The following PPP1R16A variants were observed in gnomAD, a reference collection of about 807,000 sequenced individuals.
PPP1R16A encodes protein phosphatase 1 regulatory subunit 16A.
PPP1R16A carries 39 observed loss-of-function variants against 46.6 expected under a neutral mutation model. The ratio of observed to expected loss-of-function variants is 0.84; its 90% CI spans 0.65 to 1.09. The LOEUF is 1.09. Ranked by LOEUF, PPP1R16A falls within the 50% of genes least tolerant of loss-of-function variation. PPP1R16A has a pLI of 0.00. For missense variants in PPP1R16A, 798 were observed against 735.6 expected (o/e 1.08, Z -0.98); for synonymous variants, 413 against 321.5 (o/e 1.28, Z -3.04).
rs765331413 is a variant in PPP1R16A, at chr8:144,501,021, TCAGCCCCGGGCGGAGTG to T, written c.1037+52_1037+68del. On this transcript the variant is annotated intron_variant, in intron 10 of 11. Coordinates refer to ENST00000435887, the MANE Select transcript of PPP1R16A (RefSeq NM_001329443.2). The stretch of plus-strand genomic sequence containing the variant: ...CGCCCCGGGCTTGGCCCCGCGGACG[TCAGCCCCGGGCGGAGTG>T]CCAGCCGAACTGGGGGCAGAGTCCG... 4.7e-6 allele frequency: 7 copies of T among 1,483,812 alleles called. No individual in the cohort carries two copies. In the East Asian group the frequency reaches 1.8e-4, roughly 39 times the overall value. 91.9% of individuals were successfully genotyped at this position (1,483,812 alleles called of 1,614,324 possible).
intron 1 of PPP1R16A, among the ~76,000 whole-genome samples, chr8:144,482,941 C>T (rs1442037538): frequency 3.3e-5 from 5 of 152,124 alleles, no homozygotes; most frequent in East Asian, 1.9e-4. Context: ...CCACCGCGCC[C>T]GGCTTATTTT....
intron 1 of PPP1R16A, among the ~76,000 whole-genome samples, chr8:144,481,026 C>T (rs890875214): frequency 1.3e-5 from 2 of 151,764 alleles, no homozygotes; most frequent in Non-Finnish European, 2.9e-5. Context: ...GTAGCTGGGA[C>T]TACAGGCGCC....
chr8:144,501,184 C>T lies in PPP1R16A; in HGVS notation c.1093C>T (p.His365Tyr). The change falls in exon 11 of 12, where the codon CAC (histidine) becomes TAC (tyrosine). Residue 365 changes from histidine to tyrosine, a missense_variant. Transcript: ENST00000435887. ...TQRTDLYRKQ[H>Y]AQEAIVWQQP... ...GCGCACCGACCTGTACCGCAAGCAG[C>T]ACGCCCAGGAGGCCATCGTGTGGCA... 1 of 1,610,394 alleles carries T rather than the reference C, an allele frequency of 6.2e-7. No homozygotes were observed.
chr8:144,485,928 G>A (rs552739230), intron 1 of PPP1R16A, among the ~76,000 whole-genome samples: 1 of 152,332 alleles, frequency 6.6e-6, no homozygotes, highest in Admixed American at 6.5e-5. Flanking sequence ...CATAAATGGA[G>A]TGCTGCAGGG....
intron 3 of PPP1R16A, chr8:144,498,469 G>T (rs958063663): frequency 4.6e-6 from 2 of 434,556 alleles, no homozygotes; most frequent in Non-Finnish European, 8.4e-6. Flanking sequence ...GGGCTGGAGG[G>T]AGGTGTGGGA....
rs757841621 is a variant in PPP1R16A, at chr8:144,479,496, T to C, written c.-914+1369T>C. On this transcript the variant is annotated intron_variant, in intron 1 of 11. Coordinates refer to ENST00000435887, the MANE Select transcript of PPP1R16A (RefSeq NM_001329443.2). ...CATCCCTCACCTGCTTGGGATGCAC[T>C]TGGACTCTGCTTTGCCCCGAGGGTT... 5.4e-4 allele frequency among the ~76,000 whole-genome samples: 82 copies of C among 152,160 alleles called. 1 individual carries two copies. Among genetic ancestry groups the C allele is most frequent in the Non-Finnish European group, 1.0e-3 (69 of 68,010 alleles).
chr8:144,480,498 T>C (rs1825366939), intron 1 of PPP1R16A, among the ~76,000 whole-genome samples: 1 of 151,930 alleles, frequency 6.6e-6, no homozygotes, highest in South Asian at 2.1e-4. Context: ...ATCTTTTTTT[T>C]TTTTTTTGAG....
intron 5 of PPP1R16A, chr8:144,499,304 G>A (rs966723404): frequency 2.3e-5 from 13 of 559,302 alleles, no homozygotes; most frequent in Middle Eastern, 4.7e-4. Flanking sequence ...GGCAGGCCTC[G>A]GGCCCCCCCC....
intron 1 of PPP1R16A, among the ~76,000 whole-genome samples, chr8:144,485,966 C>T (rs1825613184): frequency 6.6e-6 from 1 of 152,152 alleles, no homozygotes; most frequent in Non-Finnish European, 1.5e-5. Flanking sequence ...GCGTGATGTC[C>T]TGAGGTCCAT....
intron 9 of PPP1R16A, 21 bp downstream of exon 9, chr8:144,500,782 T>C (rs765214755): frequency 6.2e-7 from 1 of 1,609,070 alleles, no homozygotes; most frequent in Non-Finnish European, 8.5e-7. Context: ...GGGGCCCACC[T>C]CCACCTGGGG....
At chr8:144,483,912 T>C (rs1564758825) in intron 1 of PPP1R16A, among the ~76,000 whole-genome samples, 1 of 152,370 alleles carries the variant, frequency 6.6e-6, no homozygotes. Context: ...CTCATCTCTC[T>C]GCTCTGACAG....
chr8:144,481,240 G>A (rs563984521), intron 1 of PPP1R16A, among the ~76,000 whole-genome samples: 4 of 152,120 alleles, frequency 2.6e-5, no homozygotes, highest in East Asian at 1.9e-4. Flanking sequence ...AAACATTTCC[G>A]TTGCCCCCAA....
At chr8:144,479,943 G>T (rs1157386281) in intron 1 of PPP1R16A, among the ~76,000 whole-genome samples, 1 of 152,240 alleles carries the variant, frequency 6.6e-6, no homozygotes, top group Non-Finnish European at 1.5e-5. Flanking sequence ...CTGTTCACTT[G>T]TTCAGCTCAC....
chr8:144,480,196 G>A (rs1477398604), intron 1 of PPP1R16A, among the ~76,000 whole-genome samples: 1 of 152,250 alleles, frequency 6.6e-6, no homozygotes, highest in Non-Finnish European at 1.5e-5. Context: ...AGCTGATGAA[G>A]GTGGCGGTGA....
In PPP1R16A at chr8:144,496,622, CT is replaced by C; in HGVS notation, c.-572del. 6.2e-6 allele frequency: 1 copy of C among 162,048 alleles called. No homozygotes were observed. Among genetic ancestry groups the C allele is most frequent in the Admixed American group, 5.6e-5 (1 of 17,768 alleles). The allele number at this position is 162,048 out of a possible 1,614,324, so 10.0% of individuals were successfully genotyped here. A position where few individuals can be genotyped will look rare whatever the true frequency, so the allele number is the denominator to read the frequency against. On this transcript the variant is annotated 5_prime_UTR_variant, in exon 3 of 12. Coordinates refer to ENST00000435887, the MANE Select transcript of PPP1R16A (RefSeq NM_001329443.2). ...CCTCCCCCAGCCTCAGCGGCTGCAC[CT>C]CCTCGTTAGTACTGATGCACTGACC...
At chr8:144,487,686 C>T (rs1825669053) in intron 1 of PPP1R16A, among the ~76,000 whole-genome samples, 3 of 152,184 alleles carry the variant, frequency 2.0e-5, no homozygotes, top group South Asian at 2.1e-4. Flanking sequence ...TGGACTCAAC[C>T]GTATTCCATT....
intron 1 of PPP1R16A, among the ~76,000 whole-genome samples, chr8:144,488,863 C>G (rs560967033): frequency 5.3e-5 from 8 of 151,752 alleles, no homozygotes; most frequent in Admixed American, 3.3e-4. Flanking sequence ...GGGGACAGAG[C>G]CCCAGGGGAG....
At chr8:144,487,549 T>G (rs779356705) in intron 1 of PPP1R16A, among the ~76,000 whole-genome samples, 3 of 152,284 alleles carry the variant, frequency 2.0e-5, no homozygotes, top group Admixed American at 1.3e-4. Context: ...TTTTAAATTT[T>G]GTAGAGATGA....
intron 1 of PPP1R16A, among the ~76,000 whole-genome samples, chr8:144,484,530 T>A (rs1405986098): frequency 2.6e-5 from 4 of 152,248 alleles, no homozygotes; most frequent in Non-Finnish European, 4.4e-5. Context: ...TCTTTTCAAA[T>A]GCAGATGCCT....
Sources: gnomAD v4.1 joint callset for allele counts (sites outside exome capture counted in the v4.1 genomes callset) on GRCh38, gnomAD v4.1.1 for gene constraint, MANE v1.5 for transcripts, NCBI Gene and HGNC (gene_info 2026-07-23, HGNC 2026-07-21) for gene names.